TXNRD1: variants seen among roughly 807,000 people sequenced by gnomAD.
TXNRD1 encodes thioredoxin reductase 1, cytoplasmic.
Under a neutral mutation model 80.3 loss-of-function variants are expected in TXNRD1, and 57 were observed. The ratio of observed to expected loss-of-function variants is 0.71; its 90% CI spans 0.57 to 0.89. The LOEUF (loss-of-function observed/expected upper bound fraction) is 0.89. TXNRD1 is among the 40% of genes least tolerant of loss of function. TXNRD1 has a pLI of 0.00. For missense variants in TXNRD1, 730 were observed against 803.0 expected, an observed-to-expected ratio of 0.91 and a Z score of 1.10; for synonymous variants, 291 against 285.2, an observed-to-expected ratio of 1.02 and a Z score of -0.20.
intron 3 of TXNRD1, among the ~76,000 whole-genome samples, chr12:104,268,449 C>G (rs566205045): frequency 6.6e-6 from 1 of 151,638 alleles, no homozygotes; most frequent in African/African-American, 2.4e-5. Context: ...GGCGTGAACC[C>G]GAGAGGCTGA....
chr12:104,223,020 T>C (rs2032387744), intron 1 of TXNRD1, among the ~76,000 whole-genome samples: 1 of 152,236 alleles, frequency 6.6e-6, no homozygotes, highest in Non-Finnish European at 1.5e-5. Flanking sequence ...TTGTTAAACA[T>C]GGTCCAGTAT....
chr12:104,315,280 T>C (rs2035284355), intron 6 of TXNRD1, among the ~76,000 whole-genome samples: 1 of 152,226 alleles, frequency 6.6e-6, no homozygotes, highest in Admixed American at 6.5e-5. Context: ...ACCTTAAACA[T>C]GCTCCGAAAA....
intron 1 of TXNRD1, among the ~76,000 whole-genome samples, chr12:104,244,837 G>A (rs886665573): frequency 1.3e-5 from 2 of 152,234 alleles, no homozygotes; most frequent in African/African-American, 2.4e-5. Flanking sequence ...GGAAAAGAAA[G>A]GGGTGTAGGC....
chr12:104,314,810 C>T (rs1306668867), intron 6 of TXNRD1, among the ~76,000 whole-genome samples: 26 of 144,616 alleles, frequency 1.8e-4, no homozygotes, highest in Admixed American at 1.7e-3. Flanking sequence ...GGCGCTATCT[C>T]GGCTCACTGC....
At chr12:104,276,223 T>C (rs1277888107) in intron 3 of TXNRD1, among the ~76,000 whole-genome samples, 1 of 152,136 alleles carries the variant, frequency 6.6e-6, no homozygotes, top group Non-Finnish European at 1.5e-5. Flanking sequence ...CACTTGGAAT[T>C]GGGATAGGTT....
rs183688918 is a variant in TXNRD1, at chr12:104,256,605, C to T, written c.244-1414C>T. ...ACCATCCTGGCCAACATGGTGAAAC[C>T]GCGTCTCTACTAAAAATACAAAAAT... On this transcript the variant is annotated intron_variant, in intron 2 of 16. Coordinates refer to ENST00000525566, the MANE Select transcript of TXNRD1 (RefSeq NM_001093771.3). Among the ~76,000 whole-genome samples, 597 of 151,944 alleles carry T rather than the reference C, an allele frequency of 3.9e-3. 2 individuals are homozygous for T. The highest frequency in any genetic ancestry group is 6.8e-3 in the Middle Eastern group (2 of 294).
chr12:104,289,091 C>T (rs1374358495), intron 4 of TXNRD1, 51 bp downstream of exon 4: 1 of 1,577,846 alleles, frequency 6.3e-7, no homozygotes, highest in Non-Finnish European at 8.6e-7. Flanking sequence ...TCGTTGAGCT[C>T]AGCGTGGTCA....
intron 4 of TXNRD1, among the ~76,000 whole-genome samples, chr12:104,292,574 T>A (rs1273014624): frequency 6.6e-6 from 1 of 152,022 alleles, no homozygotes; most frequent in Admixed American, 6.6e-5. Context: ...TGTATTTTTT[T>A]AGTAGAGATG....
chr12:104,232,613 G>C (rs1162747621), intron 1 of TXNRD1, among the ~76,000 whole-genome samples: 1 of 151,992 alleles, frequency 6.6e-6, no homozygotes, highest in East Asian at 1.9e-4. Context: ...CCTGTGCGGG[G>C]ACTGGGTAGA....
At chr12:104,282,388 C>G (rs2033896722) in intron 3 of TXNRD1, among the ~76,000 whole-genome samples, 1 of 152,170 alleles carries the variant, frequency 6.6e-6, no homozygotes, top group African/African-American at 2.4e-5. Flanking sequence ...CCCCCTAGCC[C>G]CTTGGCTCTG....
intron 4 of TXNRD1, 150 bp downstream of exon 4, chr12:104,289,190 A>T (rs1014672509): frequency 3.5e-6 from 3 of 859,174 alleles, no homozygotes; most frequent in Non-Finnish European, 5.2e-6. Flanking sequence ...GGGCTAGCGC[A>T]TGTGTTAATC....
At chr12:104,254,640 AAAAAATATAT>A (rs1176586770) in intron 2 of TXNRD1, among the ~76,000 whole-genome samples, 1 of 106,256 alleles carries the variant, frequency 9.4e-6, no homozygotes, top group Non-Finnish European at 1.7e-5. Context: ...GAAAAAAAAA[AAAAAATATAT>A]ATATATATAT....
intron 4 of TXNRD1, among the ~76,000 whole-genome samples, chr12:104,297,911 C>G (rs143094873): frequency 6.6e-6 from 1 of 152,152 alleles, no homozygotes; most frequent in African/African-American, 2.4e-5. Context: ...TGGAGGCTCT[C>G]GTAACCTGAA....
At chr12:104,252,662 T>TATATATATATATATATATATATATATA (rs756948232) in intron 2 of TXNRD1, among the ~76,000 whole-genome samples, 4 of 45,820 alleles carry the variant, frequency 8.7e-5, no homozygotes, top group African/African-American at 1.7e-4. Flanking sequence ...TTATTATTTT[T>TATATATATATATATATATATATATATA]TATATATATA....
intron 14 of TXNRD1, 110 bp downstream of exon 14, chr12:104,331,751 T>A: frequency 3.0e-6 from 2 of 672,732 alleles, no homozygotes; most frequent in South Asian, 4.0e-5. Flanking sequence ...CATATACCCG[T>A]TATCCAGATT....
chr12:104,226,463 C>T (rs1565851776), intron 1 of TXNRD1, among the ~76,000 whole-genome samples: 1 of 152,152 alleles, frequency 6.6e-6, no homozygotes, highest in Non-Finnish European at 1.5e-5. Flanking sequence ...ACAGTGTAGC[C>T]TCTAAGGTTG....
chr12:104,321,109 G>A lies in TXNRD1; in HGVS notation c.1008G>A (p.Leu336=). The A allele has an allele frequency of 6.3e-7, 1 of 1,584,860 alleles. No individual in the cohort carries two copies. Among genetic ancestry groups the A allele is most frequent in the Non-Finnish European group, 8.6e-7 (1 of 1,168,030 alleles). Residue 336 remains leucine, a synonymous_variant, in exon 10 of 17, where the codon TTG becomes TTA. Coordinates refer to ENST00000525566, the MANE Select transcript of TXNRD1 (RefSeq NM_001093771.3). ...YCISSDDLFS[L]PYCPGKTLVV... is the part of the protein sequence containing the mutation. ...CCCCCAGTGATGATCTTTTCTCCTT[G>A]CCTTACTGCCCGGGTAAGACCCTGG... is the stretch of plus-strand genomic sequence containing the variant.
intron 1 of TXNRD1, among the ~76,000 whole-genome samples, chr12:104,217,491 A>G (rs1023252554): frequency 5.3e-5 from 8 of 151,696 alleles, no homozygotes; most frequent in Non-Finnish European, 5.9e-5. Flanking sequence ...TGTATTTTTA[A>G]TAGAGACAGG....
At chr12:104,307,646 TAA>T (rs1258953171) in intron 4 of TXNRD1, among the ~76,000 whole-genome samples, 1 of 152,190 alleles carries the variant, frequency 6.6e-6, no homozygotes, top group African/African-American at 2.4e-5. Flanking sequence ...GTAGGGGAAA[TAA>T]AAGTACAAAT....
Sources: allele counts gnomAD v4.1 joint callset (sites outside exome capture counted in the v4.1 genomes callset), GRCh38; gene constraint gnomAD v4.1.1; transcripts MANE v1.5; gene names NCBI Gene and HGNC (gene_info 2026-07-23, HGNC 2026-07-21).